The following CTNNA3 variants were observed in gnomAD, a reference collection of about 807,000 sequenced individuals.
CTNNA3 encodes the protein catenin alpha-3.
A neutral mutation model predicts 95.7 loss-of-function variants in CTNNA3; 76 were observed. The observed-to-expected ratio is 0.79, with a 90% CI of 0.66 to 0.96. The LOEUF is 0.96. Ranked by LOEUF, CTNNA3 falls within the 40% of genes least tolerant of loss-of-function variation. The pLI is 0.00. For missense variants in CTNNA3, 1,191 were observed against 1,089.8 expected, an observed-to-expected ratio of 1.09 and a Z score of -1.31; for synonymous variants, 431 against 374.4, an observed-to-expected ratio of 1.15 and a Z score of -1.74.
intron 13 of CTNNA3, among the ~76,000 whole-genome samples, chr10:66,189,728 T>C (rs1173571468): frequency 2.0e-5 from 3 of 151,144 alleles, no homozygotes; most frequent in African/African-American, 4.9e-5. Context: ...CAAGTAAAAA[T>C]AAATTTATAC....
intron 6 of CTNNA3, 139 bp from the exon 7 acceptor site, chr10:67,180,659 C>T: frequency 1.5e-6 from 1 of 662,390 alleles, no homozygotes; most frequent in East Asian, 2.7e-5. Context: ...GGCTGGTTCA[C>T]ACATAATGCT....
chr10:67,536,731 A>G (rs1017390243), intron 4 of CTNNA3, among the ~76,000 whole-genome samples: 2 of 152,156 alleles, frequency 1.3e-5, no homozygotes, highest in African/African-American at 4.8e-5. Context: ...TTTCTCAACA[A>G]TTTTAACGCG....
At chr10:66,978,552 A>AAATAAAAAAATAAAAATATATATATATAT in intron 7 of CTNNA3, among the ~76,000 whole-genome samples, 1 of 37,866 alleles carries the variant, frequency 2.6e-5, no homozygotes, top group Non-Finnish European at 4.8e-5. Flanking sequence ...AAAAAAAAAA[A>AAATAAAAAAATAAAAATATATATATATAT]ATATATATAT....
chr10:66,166,498 CA>C (rs35165850), intron 13 of CTNNA3, among the ~76,000 whole-genome samples: 33,247 of 105,322 alleles, frequency 0.32, 3,840 homozygotes, highest in African/African-American at 0.46. Context: ...CAGTCTGTCT[CA>C]AAAAAAAAAA....
At chr10:66,981,532 T>C (rs1389597488) in intron 7 of CTNNA3, among the ~76,000 whole-genome samples, 1 of 152,218 alleles carries the variant, frequency 6.6e-6, no homozygotes, top group African/African-American at 2.4e-5. Flanking sequence ...CATATCTCCA[T>C]TGCACTTCTG....
intron 3 of CTNNA3, among the ~76,000 whole-genome samples, chr10:67,590,730 C>G (rs1842764578): frequency 6.6e-6 from 1 of 151,860 alleles, no homozygotes; most frequent in African/African-American, 2.4e-5. Context: ...GTTCATTTTG[C>G]TTTTCTTTTT....
At position 66,688,987 on chromosome 10, in the gene CTNNA3, G is replaced by A. The variant is rs114084812; in HGVS notation, c.1282-67203C>T. On this transcript the variant is annotated intron_variant, in intron 9 of 17. Coordinates refer to ENST00000433211, the MANE Select transcript of CTNNA3 (RefSeq NM_013266.4). ...TCAAAAAAAAAAAAAAAAAGAGCAG[G>A]GACCAAATGCCTATTTTAATACCCC... Among the ~76,000 whole-genome samples, 634 of 151,586 alleles carry A rather than the reference G, an allele frequency of 4.2e-3. 5 individuals carry two copies. Among genetic ancestry groups the A allele is most frequent in the African/African-American group, 0.015 (619 of 41,304 alleles).
At chr10:65,953,777 GTC>G (rs2077670305) in intron 17 of CTNNA3, among the ~76,000 whole-genome samples, 1 of 152,090 alleles carries the variant, frequency 6.6e-6, no homozygotes. Flanking sequence ...TCTTAATCCA[GTC>G]TATCATTGAT....
At chr10:67,501,636 A>C (rs1303264386) in intron 5 of CTNNA3, among the ~76,000 whole-genome samples, 1 of 152,064 alleles carries the variant, frequency 6.6e-6, no homozygotes, top group Non-Finnish European at 1.5e-5. Flanking sequence ...ACATAGTCCC[A>C]TATTTCTTGG....
At chr10:66,382,956 C>A (rs554231021) in intron 11 of CTNNA3, among the ~76,000 whole-genome samples, 1 of 152,182 alleles carries the variant, frequency 6.6e-6, no homozygotes, top group East Asian at 1.9e-4. Context: ...ACATCAAAGA[C>A]CAAAGGTAGA....
chr10:66,430,355 T>A (rs1589238608), intron 11 of CTNNA3, among the ~76,000 whole-genome samples: 1 of 152,066 alleles, frequency 6.6e-6, no homozygotes, highest in South Asian at 2.1e-4. Flanking sequence ...TTCAATGCCA[T>A]CCCCTCAAGC....
At chr10:66,803,926 A>G (rs558329876) in intron 7 of CTNNA3, among the ~76,000 whole-genome samples, 5 of 152,022 alleles carry the variant, frequency 3.3e-5, no homozygotes, top group African/African-American at 1.2e-4. Context: ...ACTGATATAC[A>G]AACTAAAGCA....
intron 5 of CTNNA3, among the ~76,000 whole-genome samples, chr10:67,504,017 C>T (rs761833906): frequency 1.2e-4 from 18 of 149,642 alleles, no homozygotes; most frequent in Non-Finnish European, 2.5e-4. Flanking sequence ...ATCAGCTGGG[C>T]ATGGTGGTGG....
intron 15 of CTNNA3, among the ~76,000 whole-genome samples, chr10:66,043,973 T>A (rs1176000367): frequency 6.8e-6 from 1 of 146,516 alleles, no homozygotes; most frequent in Non-Finnish European, 1.5e-5. Flanking sequence ...TGTGTGTGTG[T>A]GTGTGTGTGT....
At chr10:66,714,870 T>C (rs567374417) in intron 9 of CTNNA3, among the ~76,000 whole-genome samples, 1 of 152,290 alleles carries the variant, frequency 6.6e-6, no homozygotes, top group Non-Finnish European at 1.5e-5. Context: ...AATGAGTCTC[T>C]TCTGAAGGAT....
At chr10:66,617,087 A>G (rs1160369254) in intron 10 of CTNNA3, among the ~76,000 whole-genome samples, 1 of 152,006 alleles carries the variant, frequency 6.6e-6, no homozygotes, top group East Asian at 1.9e-4. Context: ...TTAATGGTGA[A>G]TAAGGGAGAT....
intron 9 of CTNNA3, among the ~76,000 whole-genome samples, chr10:66,750,052 C>T (rs529348611): frequency 2.1e-4 from 32 of 152,190 alleles, no homozygotes; most frequent in African/African-American, 6.7e-4. Context: ...GTTCATTTTT[C>T]AGTTTGGTTG....
intron 14 of CTNNA3, among the ~76,000 whole-genome samples, chr10:66,100,464 T>C (rs1302127987): frequency 1.3e-5 from 2 of 152,288 alleles, no homozygotes; most frequent in African/African-American, 4.8e-5. Context: ...CCAGGTTGAA[T>C]ATAATGTTGC....
intron 12 of CTNNA3, among the ~76,000 whole-genome samples, chr10:66,326,105 C>T (rs552171603): frequency 6.6e-6 from 1 of 152,160 alleles, no homozygotes; most frequent in South Asian, 2.1e-4. Flanking sequence ...GTGCAGAGTG[C>T]CCTTTACAAT....
Sources: gnomAD v4.1 joint callset for allele counts (sites outside exome capture counted in the v4.1 genomes callset) on GRCh38, gnomAD v4.1.1 for gene constraint, MANE v1.5 for transcripts, NCBI Gene and HGNC (gene_info 2026-07-23, HGNC 2026-07-21) for gene names.